Variants in ST6GALNAC3 observed in about 807,000 individuals in gnomAD.
ST6GALNAC3 encodes the protein ST6 N-acetylgalactosaminide alpha-2,6-sialyltransferase 3.
In ST6GALNAC3, 25 loss-of-function variants were observed where a neutral mutation model predicts 32.7. That is an observed-to-expected ratio of 0.76 (90% confidence interval 0.56 to 1.07). The LOEUF is 1.07. Ranked by LOEUF, ST6GALNAC3 falls within the 50% of genes least tolerant of loss-of-function variation. The pLI, the probability that ST6GALNAC3 is intolerant of heterozygous loss-of-function variation, is 0.00. For synonymous variants in ST6GALNAC3, 129 were observed against 133.1 expected, an observed-to-expected ratio of 0.97 and a Z score of 0.21; for missense variants, 355 against 382.4, an observed-to-expected ratio of 0.93 and a Z score of 0.60.
intron 1 of ST6GALNAC3, among the ~76,000 whole-genome samples, chr1:76,235,367 C>G (rs903387486): frequency 6.6e-6 from 1 of 151,788 alleles, no homozygotes; most frequent in African/African-American, 2.4e-5. Flanking sequence ...ATTAGCCACG[C>G]GTGGTGGTGC....
intron 1 of ST6GALNAC3, among the ~76,000 whole-genome samples, chr1:76,123,360 CAG>C (rs998018659): frequency 1.5e-5 from 2 of 132,808 alleles, no homozygotes; most frequent in African/African-American, 5.7e-5. Flanking sequence ...GCCTGGGTGA[CAG>C]AGCGAGGCTC....
chr1:76,585,180 T>C (rs1646943127), intron 3 of ST6GALNAC3, among the ~76,000 whole-genome samples: 2 of 151,628 alleles, frequency 1.3e-5, no homozygotes, highest in African/African-American at 2.4e-5. Context: ...AGGTCAGGAG[T>C]TCGAGACCAT....
At chr1:76,412,471 C>T (rs17098942) in intron 3 of ST6GALNAC3, 54 bp downstream of exon 3, 362,132 of 1,499,866 alleles carry the variant, frequency 0.24, 46,420 homozygotes, top group South Asian at 0.41. Context: ...TATGCTAAAT[C>T]TTCGCCAATT....
chr1:76,324,165 T>C (rs1187562456), intron 2 of ST6GALNAC3, among the ~76,000 whole-genome samples: 1 of 152,222 alleles, frequency 6.6e-6, no homozygotes, highest in African/African-American at 2.4e-5. Context: ...TGAAGAAGTA[T>C]TTTTTAAGCA....
chr1:76,112,855 T>A (rs1047024439), intron 1 of ST6GALNAC3, among the ~76,000 whole-genome samples: 2 of 140,036 alleles, frequency 1.4e-5, no homozygotes, highest in Admixed American at 7.1e-5. Flanking sequence ...CTTTCCAGAC[T>A]GGGCAGCCAG....
At chr1:76,336,148 C>T (rs1647455430) in intron 2 of ST6GALNAC3, among the ~76,000 whole-genome samples, 1 of 152,124 alleles carries the variant, frequency 6.6e-6, no homozygotes, top group Non-Finnish European at 1.5e-5. Context: ...CTGTGGATTT[C>T]CTCAGAGTGC....
At chr1:76,525,148 CA>C (rs1435219957) in intron 3 of ST6GALNAC3, among the ~76,000 whole-genome samples, 1 of 151,950 alleles carries the variant, frequency 6.6e-6, no homozygotes, top group African/African-American at 2.4e-5. Flanking sequence ...GAGGTCTATT[CA>C]AATTTCAGGA....
At chr1:76,296,262 C>T (rs1660398822) in intron 1 of ST6GALNAC3, among the ~76,000 whole-genome samples, 1 of 151,998 alleles carries the variant, frequency 6.6e-6, no homozygotes, top group Non-Finnish European at 1.5e-5. Flanking sequence ...AAGCAAACTT[C>T]TTGGGAAGTG....
intron 1 of ST6GALNAC3, among the ~76,000 whole-genome samples, chr1:76,188,705 T>C (rs977258376): frequency 2.0e-5 from 3 of 152,184 alleles, no homozygotes; most frequent in Admixed American, 1.3e-4. Flanking sequence ...GATTAATACA[T>C]AAAAATGTTA....
rs1284500353 is a variant in ST6GALNAC3 at position 76,629,870 on chromosome 1, C to T, written c.*1064C>T. 3.0e-6 allele frequency: 3 copies of T among 984,572 alleles called. No homozygotes were observed. In the African/African-American group the frequency reaches 5.2e-5, roughly 17 times the overall value. 61.0% of individuals were successfully genotyped at this position (984,572 alleles called of 1,614,324 possible). ...AACATTACATTCTCATTGCCAAGTG[C>T]CAGCTGTTACACATGGAGAGGAAAT... On this transcript the variant is annotated 3_prime_UTR_variant, in exon 5 of 5. Coordinates refer to ENST00000328299, the MANE Select transcript of ST6GALNAC3 (RefSeq NM_152996.4).
chr1:76,499,015 G>T (rs1661020855), intron 3 of ST6GALNAC3, among the ~76,000 whole-genome samples: 2 of 152,010 alleles, frequency 1.3e-5, no homozygotes, highest in South Asian at 4.2e-4. Context: ...AGACAACAGG[G>T]TTAATTTTCT....
intron 3 of ST6GALNAC3, among the ~76,000 whole-genome samples, chr1:76,488,567 C>A (rs1324314464): frequency 1.3e-5 from 2 of 152,084 alleles, no homozygotes; most frequent in Non-Finnish European, 2.9e-5. Flanking sequence ...ACAGGCTGGC[C>A]CAGAGCCAAC....
At chr1:76,494,081 T>C (rs1660658053) in intron 3 of ST6GALNAC3, among the ~76,000 whole-genome samples, 1 of 152,064 alleles carries the variant, frequency 6.6e-6, no homozygotes, top group Non-Finnish European at 1.5e-5. Context: ...TGATGTCTTA[T>C]TACAACCTTT....
intron 1 of ST6GALNAC3, among the ~76,000 whole-genome samples, chr1:76,188,560 C>G (rs950176988): frequency 6.6e-6 from 1 of 151,940 alleles, no homozygotes; most frequent in Non-Finnish European, 1.5e-5. Context: ...TAAAGTTGAC[C>G]CTTGAACAAT....
intron 1 of ST6GALNAC3, among the ~76,000 whole-genome samples, chr1:76,193,203 A>G (rs1654001561): frequency 1.3e-5 from 2 of 152,174 alleles, no homozygotes; most frequent in South Asian, 4.1e-4. Context: ...TTAGGAGTCT[A>G]GATCCCACTT....
At chr1:76,235,969 T>G (rs1656632777) in intron 1 of ST6GALNAC3, among the ~76,000 whole-genome samples, 1 of 151,344 alleles carries the variant, frequency 6.6e-6, no homozygotes, top group South Asian at 2.1e-4. Flanking sequence ...TCATTTTGTT[T>G]TTTGTTTGTT....
At chr1:76,257,507 G>C (rs926294043) in intron 1 of ST6GALNAC3, among the ~76,000 whole-genome samples, 2 of 152,108 alleles carry the variant, frequency 1.3e-5, no homozygotes, top group Non-Finnish European at 2.9e-5. Flanking sequence ...TCATGGTCGG[G>C]TTTGAAAAGC....
intron 3 of ST6GALNAC3, among the ~76,000 whole-genome samples, chr1:76,467,371 A>C (rs187968595): frequency 6.6e-6 from 1 of 151,984 alleles, no homozygotes; most frequent in Non-Finnish European, 1.5e-5. Flanking sequence ...AGAAAATGTG[A>C]ATATAGGTGA....
At chr1:76,183,796 C>G in intron 1 of ST6GALNAC3, among the ~76,000 whole-genome samples, 1 of 146,132 alleles carries the variant, frequency 6.8e-6, no homozygotes, top group East Asian at 2.0e-4. Flanking sequence ...GTATTATAGT[C>G]TTATGGGATC....
Sources: gnomAD v4.1 joint callset for allele counts (sites outside exome capture counted in the v4.1 genomes callset) on GRCh38, gnomAD v4.1.1 for gene constraint, MANE v1.5 for transcripts, NCBI Gene and HGNC (gene_info 2026-07-23, HGNC 2026-07-21) for gene names.